Variants in TMEM117 observed in about 807,000 individuals in gnomAD.
The protein encoded by TMEM117 is transmembrane protein 117.
A neutral mutation model predicts 52.4 loss-of-function variants in TMEM117; 27 were observed. The ratio of observed to expected loss-of-function variants is 0.51; its 90% confidence interval spans 0.38 to 0.71. The LOEUF is 0.71. Among genes scored for constraint, TMEM117 ranks in the 30% least tolerant of loss-of-function variants. TMEM117 has a pLI of 0.00. For missense variants in TMEM117, 556 were observed against 630.5 expected (o/e 0.88, Z 1.26); for synonymous variants, 215 against 206.3 (o/e 1.04, Z -0.36).
chr12:44,216,244 G>T (rs574398606), intron 5 of TMEM117, among the ~76,000 whole-genome samples: 2 of 151,878 alleles, frequency 1.3e-5, no homozygotes, highest in Non-Finnish European at 1.5e-5. Flanking sequence ...CTGACCTCGC[G>T]ATCTGCCCGC....
At chr12:44,381,764 T>C (rs1565778969) in intron 7 of TMEM117, among the ~76,000 whole-genome samples, 1 of 152,110 alleles carries the variant, frequency 6.6e-6, no homozygotes, top group African/African-American at 2.4e-5. Flanking sequence ...AAATGAAGGA[T>C]TTTATTTTCA....
In TMEM117 at chr12:44,332,469, A is replaced by G. The variant is rs17094461; in HGVS notation, c.768+32730A>G. Among the ~76,000 whole-genome samples the G allele has an allele frequency of 3.2e-3, 489 of 152,216 alleles. 6 individuals are homozygous for G. Among genetic ancestry groups the G allele is most frequent in the African/African-American group, 0.01 (436 of 41,554 alleles). On this transcript the variant is annotated intron_variant, in intron 6 of 7. Transcript: ENST00000266534. ...TAAGCCTACCTTTGAATATTTTATA[A>G]TAATATGACCACTGATAAAATTGTT...
At chr12:44,134,551 A>G (rs1191006621) in intron 3 of TMEM117, among the ~76,000 whole-genome samples, 1 of 152,200 alleles carries the variant, frequency 6.6e-6, no homozygotes, top group Non-Finnish European at 1.5e-5. Flanking sequence ...AGATTTAAAC[A>G]AAAGTTAAAT....
chr12:44,009,288 A>G, intron 3 of TMEM117: 1 of 273,700 alleles, frequency 3.7e-6, no homozygotes, highest in East Asian at 1.4e-4. Context: ...CCGATACAGG[A>G]TGATCATTTC....
In TMEM117 at chr12:43,867,267, C is replaced by G. The variant is rs549475667; in HGVS notation, c.277+22339C>G. On this transcript the variant is annotated intron_variant, in intron 2 of 7. Transcript: ENST00000266534. ...TTATATGAAGTGGCACAATGTTAAC[C>G]CTAATTAAACTGTGATAAGTTAAAA... Among the ~76,000 whole-genome samples, 278 of 152,072 alleles carry G rather than the reference C, an allele frequency of 1.8e-3. 3 individuals carry two copies. Among genetic ancestry groups the G allele is most frequent in the African/African-American group, 6.3e-3 (263 of 41,468 alleles).
chr12:43,909,479 G>T (rs1449057393), intron 2 of TMEM117, among the ~76,000 whole-genome samples: 1 of 133,914 alleles, frequency 7.5e-6, no homozygotes, highest in Admixed American at 7.9e-5. Context: ...CTAGCAGAAG[G>T]CAAGAAATAG....
At chr12:43,927,165 TTG>T (rs1199691909) in intron 2 of TMEM117, among the ~76,000 whole-genome samples, 1 of 152,010 alleles carries the variant, frequency 6.6e-6, no homozygotes, top group East Asian at 1.9e-4. Flanking sequence ...ATGAATTATT[TTG>T]AAATGTGTTT....
intron 4 of TMEM117, among the ~76,000 whole-genome samples, chr12:44,195,561 C>T (rs886940177): frequency 3.1e-4 from 47 of 151,902 alleles, no homozygotes; most frequent in Admixed American, 2.6e-4. Context: ...ATGTTTAAAA[C>T]GTAAAGTAAT....
At chr12:43,983,524 A>T (rs74084785) in intron 3 of TMEM117, among the ~76,000 whole-genome samples, 10,776 of 138,188 alleles carry the variant, frequency 0.078, 682 homozygotes, top group African/African-American at 0.19. Context: ...AGTGGCAAAA[A>T]CTGCAATTAC....
At chr12:44,143,416 G>A in intron 3 of TMEM117, 109 bp from the exon 4 acceptor site, 2 of 723,518 alleles carry the variant, frequency 2.8e-6, no homozygotes, top group Non-Finnish European at 4.5e-6. Context: ...ACAAGAGCCA[G>A]ACAGCTTGCT....
At chr12:44,289,835 T>C (rs1950683269) in intron 5 of TMEM117, among the ~76,000 whole-genome samples, 1 of 152,020 alleles carries the variant, frequency 6.6e-6, no homozygotes, top group African/African-American at 2.4e-5. Flanking sequence ...GCCACTGCAC[T>C]GAGTCTAGGG....
intron 6 of TMEM117, among the ~76,000 whole-genome samples, chr12:44,357,441 G>T (rs1392024708): frequency 6.6e-6 from 1 of 152,108 alleles, no homozygotes; most frequent in Non-Finnish European, 1.5e-5. Context: ...GAATAAAGAA[G>T]CACAGCGAAG....
chr12:44,067,322 T>C (rs1050454745), intron 3 of TMEM117, among the ~76,000 whole-genome samples: 22 of 152,236 alleles, frequency 1.4e-4, no homozygotes, highest in African/African-American at 5.1e-4. Flanking sequence ...TAATGTCATC[T>C]AGAATGGTGA....
chr12:44,233,048 T>G (rs565746883), intron 5 of TMEM117, among the ~76,000 whole-genome samples: 3 of 151,354 alleles, frequency 2.0e-5, no homozygotes, highest in Non-Finnish European at 4.4e-5. Flanking sequence ...TTGATCTTAT[T>G]AATATCATAT....
chr12:43,813,231 GTTTTTTTTTTTT>G, the TMEM117 span, among the ~76,000 whole-genome samples: 126 of 62,664 alleles, frequency 2.0e-3, no homozygotes, highest in Admixed American at 3.9e-3. Context: ...GTTTTCTCTT[GTTTTTTTTTTTT>G]TTTTTTTTTT....
chr12:44,135,913 A>G (rs566909077), intron 3 of TMEM117, among the ~76,000 whole-genome samples: 2 of 152,178 alleles, frequency 1.3e-5, no homozygotes, highest in African/African-American at 4.8e-5. Context: ...TTTTTGTTCT[A>G]CTTTGAACAG....
At chr12:44,181,530 A>G (rs1232466205) in intron 4 of TMEM117, among the ~76,000 whole-genome samples, 8 of 150,460 alleles carry the variant, frequency 5.3e-5, no homozygotes, top group African/African-American at 1.7e-4. Context: ...TGATTTTTGT[A>G]TAAGGTGTAA....
In TMEM117 at chr12:43,880,076, C is replaced by T. The variant is rs770451468; in HGVS notation, c.277+35148C>T. Among the ~76,000 whole-genome samples the T allele has an allele frequency of 1.1e-4, 16 of 152,178 alleles. 1 individual carries two copies. The highest frequency in any genetic ancestry group is 2.1e-4 in the Non-Finnish European group (14 of 68,038). On this transcript the variant is annotated intron_variant, in intron 2 of 7. Coordinates refer to ENST00000266534, the MANE Select transcript of TMEM117 (RefSeq NM_032256.3). ...TTTTCAGGTAGCATTTTTCATACTT[C>T]CCTATTTCATCAACTTTTAGTACAA...
the TMEM117 span, among the ~76,000 whole-genome samples, chr12:43,812,109 T>C: frequency 6.6e-6 from 1 of 152,228 alleles, no homozygotes; most frequent in Admixed American, 6.5e-5. Context: ...ATTCTATCTG[T>C]TGAGTAGCTT....
Sources: gnomAD v4.1 joint callset for allele counts (sites outside exome capture counted in the v4.1 genomes callset) on GRCh38, gnomAD v4.1.1 for gene constraint, MANE v1.5 for transcripts, NCBI Gene and HGNC (gene_info 2026-07-23, HGNC 2026-07-21) for gene names.